Variants in ERC1 observed in about 807,000 individuals in gnomAD.
ERC1 encodes the protein ELKS/RAB6-interacting/CAST family member 1.
ERC1 carries 56 observed loss-of-function variants against 132.0 expected under a neutral mutation model. The observed-to-expected ratio is 0.42, with a 90% CI of 0.34 to 0.53. ERC1 has a LOEUF of 0.53. ERC1 is among the 20% of genes least tolerant of loss of function. The probability of loss-of-function intolerance (pLI) is 0.03; values close to 1 mark genes in which losing one functional copy is unlikely to be tolerated. For synonymous variants in ERC1, 478 were observed against 476.1 expected (o/e 1.00, Z -0.05); for missense variants, 1,202 against 1,349.9 (o/e 0.89, Z 1.72).
At chr12:1,101,134 G>C (rs934825307) in intron 3 of ERC1, among the ~76,000 whole-genome samples, 3 of 152,094 alleles carry the variant, frequency 2.0e-5, no homozygotes, top group African/African-American at 7.2e-5. Flanking sequence ...ATGATTATTT[G>C]ATTAAACTCT....
chr12:1,325,081 T>C (rs188109072), intron 15 of ERC1, among the ~76,000 whole-genome samples: 22 of 152,348 alleles, frequency 1.4e-4, no homozygotes, highest in Non-Finnish European at 1.0e-4. Flanking sequence ...TTATTGTTGA[T>C]GACTCAGCGT....
intron 15 of ERC1, among the ~76,000 whole-genome samples, chr12:1,333,447 C>T (rs938421995): frequency 2.6e-5 from 4 of 151,566 alleles, no homozygotes; most frequent in Admixed American, 6.6e-5. Flanking sequence ...ATTCTCCTGC[C>T]TCAGCCTCCC....
intron 1 of ERC1, among the ~76,000 whole-genome samples, chr12:1,007,475 TCTCTCTCTCTCTCTC>T (rs1963856751): frequency 6.6e-6 from 1 of 150,384 alleles, no homozygotes; most frequent in African/African-American, 2.5e-5. Context: ...TCTCTCTCTC[TCTCTCTCTCTCTCTC>T]TCTTTCTCTC....
intron 2 of ERC1, among the ~76,000 whole-genome samples, chr12:1,043,853 A>G (rs79817382): frequency 0.048 from 7,335 of 152,238 alleles, 178 homozygotes; most frequent in Middle Eastern, 0.075. Context: ...TGCTAATGCT[A>G]CTGTCTCTTT....
At chr12:1,251,216 G>A (rs551311303) in intron 13 of ERC1, among the ~76,000 whole-genome samples, 2 of 152,054 alleles carry the variant, frequency 1.3e-5, no homozygotes, top group Non-Finnish European at 1.5e-5. Context: ...CATTAAGATT[G>A]ACATCTTTTT....
At chr12:1,038,309 T>C (rs989580555) in intron 2 of ERC1, among the ~76,000 whole-genome samples, 8 of 152,098 alleles carry the variant, frequency 5.3e-5, no homozygotes, top group Non-Finnish European at 1.2e-4. Flanking sequence ...CTCCTTTCCT[T>C]CTTTTATGAC....
At chr12:1,334,659 T>C (rs1247407720) in intron 15 of ERC1, among the ~76,000 whole-genome samples, 9 of 152,222 alleles carry the variant, frequency 5.9e-5, no homozygotes, top group Non-Finnish European at 1.0e-4. Flanking sequence ...TGAAGTCAGG[T>C]AGCGTGATGC....
intron 4 of ERC1, 97 bp from the exon 5 acceptor site, chr12:1,110,095 C>G: frequency 1.9e-6 from 2 of 1,051,770 alleles, no homozygotes; most frequent in East Asian, 2.8e-5. Flanking sequence ...GTATATTTGT[C>G]TATCTTTATT....
chr12:1,210,984 CAAAAAA>C (rs147811983), intron 12 of ERC1, among the ~76,000 whole-genome samples: 1 of 114,542 alleles, frequency 8.7e-6, no homozygotes, highest in African/African-American at 3.0e-5. Context: ...GACTGTGTCT[CAAAAAA>C]AAAAAAAAAT....
At chr12:1,465,857 T>C (rs576021989) in intron 18 of ERC1, among the ~76,000 whole-genome samples, 55 of 152,316 alleles carry the variant, frequency 3.6e-4, no homozygotes, top group Admixed American at 3.3e-3. Flanking sequence ...CTGCATGCCC[T>C]GTGAGAATGT....
At chr12:1,400,926 T>G (rs1392482841) in intron 16 of ERC1, among the ~76,000 whole-genome samples, 1 of 64,540 alleles carries the variant, frequency 1.5e-5, no homozygotes, top group Non-Finnish European at 2.7e-5. Context: ...ATTTTTTTTT[T>G]TTTTTTTTTT....
At chr12:1,041,299 C>A (rs144229797) in intron 2 of ERC1, among the ~76,000 whole-genome samples, 5,231 of 152,002 alleles carry the variant, frequency 0.034, 96 homozygotes, top group Middle Eastern at 0.061. Context: ...CCTCCGCCTC[C>A]CGGGTTCAAG....
At chr12:1,466,183 A>G (rs1185659895) in intron 18 of ERC1, among the ~76,000 whole-genome samples, 1 of 152,136 alleles carries the variant, frequency 6.6e-6, no homozygotes, top group African/African-American at 2.4e-5. Context: ...TCCGAGATCA[A>G]GGGGTCGGCA....
chr12:1,439,000 A>T (rs17800906), intron 17 of ERC1, among the ~76,000 whole-genome samples: 8,076 of 151,416 alleles, frequency 0.053, 247 homozygotes, highest in Middle Eastern at 0.062. Flanking sequence ...CGGACAAAAG[A>T]TTAGTACCCC....
intron 18 of ERC1, among the ~76,000 whole-genome samples, chr12:1,484,822 C>T (rs975713514): frequency 3.3e-5 from 5 of 151,916 alleles, no homozygotes; most frequent in South Asian, 2.1e-4. Flanking sequence ...CCTCGTGATG[C>T]GCCTGCCACC....
At chr12:1,189,559 T>C (rs1955498420) in intron 11 of ERC1, among the ~76,000 whole-genome samples, 5 of 152,202 alleles carry the variant, frequency 3.3e-5, no homozygotes, top group Admixed American at 3.3e-4. Flanking sequence ...TCAATGACTG[T>C]TAGTTTGTCT....
chr12:1,192,771 G>A (rs1377092555), intron 12 of ERC1, among the ~76,000 whole-genome samples: 1 of 152,158 alleles, frequency 6.6e-6, no homozygotes, highest in Non-Finnish European at 1.5e-5. Flanking sequence ...GCTGGGGCTT[G>A]TTTGGAATTT....
At chr12:1,112,328 T>G in intron 6 of ERC1, 30 bp downstream of exon 6, 1 of 1,529,954 alleles carries the variant, frequency 6.5e-7, no homozygotes, top group Non-Finnish European at 9.1e-7. Context: ...CCTCTTTGTG[T>G]GCAGTGGTCC....
intron 14 of ERC1, among the ~76,000 whole-genome samples, chr12:1,276,538 C>T (rs1163214403): frequency 1.3e-5 from 2 of 151,940 alleles, no homozygotes; most frequent in African/African-American, 4.8e-5. Flanking sequence ...TGTGCCCAGC[C>T]TCTCATGTTT....
Sources: allele counts gnomAD v4.1 joint callset (sites outside exome capture counted in the v4.1 genomes callset), GRCh38; gene constraint gnomAD v4.1.1; transcripts MANE v1.5; gene names NCBI Gene and HGNC (gene_info 2026-07-23, HGNC 2026-07-21).